Variants in ACTR3C observed in about 807,000 individuals in gnomAD.
The protein encoded by ACTR3C is actin-related protein 3C.
ACTR3C carries 18 observed loss-of-function variants against 26.3 expected under a neutral mutation model. The ratio of observed to expected loss-of-function variants is 0.68; its 90% confidence interval spans 0.47 to 1.01. ACTR3C has a LOEUF of 1.01. ACTR3C is among the 50% of genes least tolerant of loss of function. ACTR3C has a pLI of 0.00. For missense variants in ACTR3C, 184 were observed against 250.7 expected, an observed-to-expected ratio of 0.73 and a Z score of 1.80; for synonymous variants, 55 against 94.5, an observed-to-expected ratio of 0.58 and a Z score of 2.42.
chr7:150,226,601 T>C, the ACTR3C span, among the ~76,000 whole-genome samples: 2 of 152,260 alleles, frequency 1.3e-5, no homozygotes, highest in Non-Finnish European at 2.9e-5. Flanking sequence ...CACGTCTGGC[T>C]AATTTTTTGT....
At chr7:150,222,271 C>T in the ACTR3C span, among the ~76,000 whole-genome samples, 1 of 152,174 alleles carries the variant, frequency 6.6e-6, no homozygotes. Context: ...GATGCAGATG[C>T]TGGTTGGAAT....
chr7:149,930,864 C>G, the ACTR3C span, among the ~76,000 whole-genome samples: 1 of 151,264 alleles, frequency 6.6e-6, no homozygotes, highest in African/African-American at 2.4e-5. Flanking sequence ...TCACTGCAAC[C>G]TCTGCCTTTT....
the ACTR3C span, among the ~76,000 whole-genome samples, chr7:150,158,854 A>C: frequency 1.6e-4 from 24 of 146,132 alleles, no homozygotes; most frequent in East Asian, 3.5e-3. Context: ...AGGCACACAC[A>C]CAGGCATGCC....
intron 6 of ACTR3C, among the ~76,000 whole-genome samples, chr7:150,269,621 A>C (rs1584882437): frequency 9.1e-6 from 1 of 110,202 alleles, no homozygotes; most frequent in African/African-American, 4.1e-5. Flanking sequence ...CGGTCCGTCC[A>C]CTCCTCCCTG....
chr7:149,934,048 C>T, the ACTR3C span, among the ~76,000 whole-genome samples: 5 of 150,438 alleles, frequency 3.3e-5, no homozygotes, highest in Non-Finnish European at 7.4e-5. Context: ...AAGTTCCTTA[C>T]AGCACTAGCA....
chr7:150,198,216 T>C, the ACTR3C span, among the ~76,000 whole-genome samples: 1 of 149,064 alleles, frequency 6.7e-6, no homozygotes, highest in African/African-American at 2.5e-5. Flanking sequence ...CCCAGCCGCC[T>C]GCCTTGGCCT....
At chr7:150,073,333 T>C in the ACTR3C span, among the ~76,000 whole-genome samples, 429 of 127,714 alleles carry the variant, frequency 3.4e-3, 1 homozygote, top group African/African-American at 0.011. Context: ...TTCTGAAGAA[T>C]CAAGTCAGTT....
chr7:150,295,095 C>A (rs2261646), intron 2 of ACTR3C, among the ~76,000 whole-genome samples, 157 bp downstream of exon 2: 1 of 151,080 alleles, frequency 6.6e-6, no homozygotes, highest in African/African-American at 2.4e-5. Flanking sequence ...CATGGGACAC[C>A]TTCCCTATAG....
chr7:149,952,539 T>TG, the ACTR3C span, among the ~76,000 whole-genome samples: 1 of 144,014 alleles, frequency 6.9e-6, no homozygotes, highest in African/African-American at 2.8e-5. Flanking sequence ...GCTCAGAGTA[T>TG]GGGGGGGATG....
the ACTR3C span, among the ~76,000 whole-genome samples, chr7:150,220,434 G>A: frequency 1.4e-5 from 2 of 146,808 alleles, no homozygotes; most frequent in East Asian, 3.9e-4. Context: ...GAGTCTGGGC[G>A]AGCGCGAGGG....
chr7:150,014,252 G>A, the ACTR3C span, among the ~76,000 whole-genome samples: 6 of 152,248 alleles, frequency 3.9e-5, no homozygotes, highest in East Asian at 5.8e-4. Context: ...TCAGGAGATC[G>A]AGACCATCCT....
the ACTR3C span, among the ~76,000 whole-genome samples, chr7:149,937,335 G>A: frequency 6.6e-6 from 1 of 150,450 alleles, no homozygotes; most frequent in African/African-American, 2.5e-5. Context: ...TTTGTTGAGA[G>A]GAGAGAGTAA....
At chr7:149,976,528 C>A in the ACTR3C span, among the ~76,000 whole-genome samples, 62,434 of 147,970 alleles carry the variant, frequency 0.42, 13,271 homozygotes, top group Middle Eastern at 0.46. Context: ...GAGCTGAGAT[C>A]GCACCACTGC....
At chr7:150,149,711 G>A in the ACTR3C span, among the ~76,000 whole-genome samples, 1 of 152,008 alleles carries the variant, frequency 6.6e-6, no homozygotes, top group Non-Finnish European at 1.5e-5. Context: ...CATGGCATAT[G>A]TGGATGAACT....
chr7:150,017,689 C>T, the ACTR3C span, among the ~76,000 whole-genome samples: 1 of 149,468 alleles, frequency 6.7e-6, no homozygotes, highest in African/African-American at 2.5e-5. Flanking sequence ...CACACCCTCC[C>T]AACCCTGGCC....
chr7:150,157,057 C>CA, the ACTR3C span, among the ~76,000 whole-genome samples: 2 of 146,546 alleles, frequency 1.4e-5, no homozygotes, highest in African/African-American at 2.6e-5. Context: ...CTCTGAAATA[C>CA]AAAAAACACG....
chr7:150,194,043 C>T, the ACTR3C span, among the ~76,000 whole-genome samples: 1 of 149,330 alleles, frequency 6.7e-6, no homozygotes, highest in Non-Finnish European at 1.5e-5. Flanking sequence ...GAGTTTCAGT[C>T]TGTAACCACA....
At chr7:150,198,804 G>A in the ACTR3C span, among the ~76,000 whole-genome samples, 1 of 90,238 alleles carries the variant, frequency 1.1e-5, no homozygotes, top group Non-Finnish European at 1.9e-5. Flanking sequence ...GGAGGGAGGT[G>A]GGGGGGTCAG....
At chr7:150,042,445 A>G in the ACTR3C span, among the ~76,000 whole-genome samples, 956 of 131,430 alleles carry the variant, frequency 7.3e-3, 7 homozygotes, top group African/African-American at 0.012. Flanking sequence ...CCCTGTGATG[A>G]GGGTGCAAAG....
Sources: gnomAD v4.1 joint callset for allele counts (sites outside exome capture counted in the v4.1 genomes callset) on GRCh38, gnomAD v4.1.1 for gene constraint, MANE v1.5 for transcripts, NCBI Gene and HGNC (gene_info 2026-07-23, HGNC 2026-07-21) for gene names.